Variants in MAF observed in about 807,000 individuals in gnomAD.
MAF encodes the protein MAF bZIP transcription factor.
A neutral mutation model predicts 22.0 loss-of-function variants in MAF; 10 were observed. The observed-to-expected ratio is 0.45, with a 90% CI of 0.28 to 0.77. MAF has a LOEUF of 0.77. Among genes scored for constraint, MAF ranks in the 30% least tolerant of loss-of-function variants. The probability of loss-of-function intolerance (pLI) is 0.12; values close to 1 mark genes in which losing one functional copy is unlikely to be tolerated. For missense variants in MAF, 544 were observed against 548.4 expected (o/e 0.99, Z 0.08); for synonymous variants, 337 against 255.8 (o/e 1.32, Z -3.03).
At chr16:79,345,512 G>C in the MAF span, among the ~76,000 whole-genome samples, 6 of 152,008 alleles carry the variant, frequency 3.9e-5, no homozygotes, top group Admixed American at 6.6e-5. Context: ...TGGATTACTT[G>C]AGGTCAGGAG....
the MAF span, among the ~76,000 whole-genome samples, chr16:79,406,655 C>T: frequency 6.6e-6 from 1 of 152,168 alleles, no homozygotes; most frequent in Non-Finnish European, 1.5e-5. Context: ...AGGATTTCAA[C>T]ATATGGATTT....
chr16:79,261,556 A>G, the MAF span, among the ~76,000 whole-genome samples: 4 of 152,210 alleles, frequency 2.6e-5, no homozygotes, highest in African/African-American at 9.7e-5. Flanking sequence ...TCTTCATCCA[A>G]ATAATCCGGG....
At chr16:79,347,219 G>C in the MAF span, among the ~76,000 whole-genome samples, 1 of 152,218 alleles carries the variant, frequency 6.6e-6, no homozygotes, top group Non-Finnish European at 1.5e-5. Context: ...AGAACTTTCC[G>C]TTTTGACTGC....
At chr16:79,408,207 C>T in the MAF span, among the ~76,000 whole-genome samples, 9 of 151,890 alleles carry the variant, frequency 5.9e-5, no homozygotes, top group African/African-American at 4.8e-5. Flanking sequence ...GATGGACTCT[C>T]GCTCTGTCAC....
At chr16:79,517,147 A>G in the MAF span, among the ~76,000 whole-genome samples, 31 of 152,204 alleles carry the variant, frequency 2.0e-4, no homozygotes, top group African/African-American at 7.5e-4. Flanking sequence ...TGTAGATTCT[A>G]TCACCACTGA....
At chr16:79,206,702 T>C in the MAF span, 4 of 152,178 alleles carry the variant, frequency 2.6e-5, no homozygotes, top group Non-Finnish European at 5.9e-5. Flanking sequence ...TGGTGGAAGT[T>C]GGTGTGTTCG....
At chr16:79,320,705 C>T in the MAF span, among the ~76,000 whole-genome samples, 46,447 of 152,124 alleles carry the variant, frequency 0.31, 7,551 homozygotes, top group African/African-American at 0.42. Context: ...TAACACTTAT[C>T]CCATAGAGCT....
chr16:79,499,432 A>G, the MAF span, among the ~76,000 whole-genome samples: 135,183 of 152,238 alleles, frequency 0.89, 60,027 homozygotes, highest in East Asian at 0.92. Flanking sequence ...CATAGAAGCT[A>G]TAGTAGGCGG....
chr16:79,323,291 A>G, the MAF span, among the ~76,000 whole-genome samples: 1 of 150,248 alleles, frequency 6.7e-6, no homozygotes. Context: ...CAGGGAGCCC[A>G]GTTAGAATGT....
chr16:79,369,670 T>C, the MAF span, among the ~76,000 whole-genome samples: 1 of 152,200 alleles, frequency 6.6e-6, no homozygotes, highest in Non-Finnish European at 1.5e-5. Context: ...TCTCACAACA[T>C]TTGTATAAGG....
the MAF span, among the ~76,000 whole-genome samples, chr16:79,529,364 T>G: frequency 2.6e-5 from 4 of 152,212 alleles, no homozygotes; most frequent in African/African-American, 7.2e-5. Flanking sequence ...GTACCTTGTG[T>G]ATTAATAAAC....
chr16:79,455,607 G>A, the MAF span, among the ~76,000 whole-genome samples: 1 of 152,114 alleles, frequency 6.6e-6, no homozygotes, highest in African/African-American at 2.4e-5. Context: ...TCTTAATGGG[G>A]CGGTTTTTAT....
chr16:79,245,469 C>T, the MAF span, among the ~76,000 whole-genome samples: 3 of 152,100 alleles, frequency 2.0e-5, no homozygotes, highest in Non-Finnish European at 1.5e-5. Context: ...CTCATCATCA[C>T]TGGTCATTAG....
the MAF span, among the ~76,000 whole-genome samples, chr16:79,446,513 T>A: frequency 1.3e-5 from 2 of 152,140 alleles, no homozygotes; most frequent in Non-Finnish European, 2.9e-5. Flanking sequence ...ACTTATAGTG[T>A]TATGATCACT....
the MAF span, among the ~76,000 whole-genome samples, chr16:79,508,015 G>C: frequency 6.6e-6 from 1 of 152,208 alleles, no homozygotes; most frequent in Non-Finnish European, 1.5e-5. Flanking sequence ...TGGTGGATCA[G>C]AGCAGAGCAG....
the MAF span, among the ~76,000 whole-genome samples, chr16:79,541,064 C>G: frequency 6.6e-6 from 1 of 152,078 alleles, no homozygotes; most frequent in Non-Finnish European, 1.5e-5. Context: ...CTACTATTGA[C>G]ACGATTACTG....
chr16:79,257,323 G>A, the MAF span, among the ~76,000 whole-genome samples: 1 of 152,092 alleles, frequency 6.6e-6, no homozygotes, highest in African/African-American at 2.4e-5. Flanking sequence ...TCATTGCAGG[G>A]AGCTAAGGTC....
chr16:79,230,441 A>G, the MAF span, among the ~76,000 whole-genome samples: 2 of 152,128 alleles, frequency 1.3e-5, no homozygotes, highest in Admixed American at 6.6e-5. Context: ...CCCAGCCTAG[A>G]CCCTGCCCTT....
chr16:79,387,205 G>A, the MAF span, among the ~76,000 whole-genome samples: 1 of 152,156 alleles, frequency 6.6e-6, no homozygotes. Flanking sequence ...ACTGAACAGT[G>A]GTGCCCTCCA....
Sources: gnomAD v4.1 joint callset for allele counts (sites outside exome capture counted in the v4.1 genomes callset) on GRCh38, gnomAD v4.1.1 for gene constraint, MANE v1.5 for transcripts, NCBI Gene and HGNC (gene_info 2026-07-23, HGNC 2026-07-21) for gene names.